The following VPS8 variants were observed in gnomAD, a reference collection of about 807,000 sequenced individuals.
The protein encoded by VPS8 is VPS8 subunit of CORVET complex, also known as vacuolar protein sorting-associated protein 8 homolog.
In VPS8, 129 loss-of-function variants were observed where a neutral mutation model predicts 216.4. That is an observed-to-expected ratio of 0.60 (90% CI 0.52 to 0.69). VPS8 has a LOEUF of 0.69. Ranked by LOEUF, VPS8 falls within the 30% of genes least tolerant of loss-of-function variation. The pLI, the probability that VPS8 is intolerant of heterozygous loss-of-function variation, is 0.00. For synonymous variants in VPS8, 571 were observed against 565.4 expected (o/e 1.01, Z -0.14); for missense variants, 1,531 against 1,683.5 (o/e 0.91, Z 1.59).
intron 7 of VPS8, among the ~76,000 whole-genome samples, chr3:184,841,025 G>A (rs2108597925): frequency 6.6e-6 from 1 of 152,256 alleles, no homozygotes; most frequent in Non-Finnish European, 1.5e-5. Context: ...TTTTTAAAAT[G>A]TAATTGTAAA....
chr3:184,907,926 T>A (rs918254897), intron 25 of VPS8, among the ~76,000 whole-genome samples: 6 of 152,152 alleles, frequency 3.9e-5, no homozygotes, highest in African/African-American at 1.4e-4. Context: ...TTTGAGAATT[T>A]CCCTGGGTAT....
At chr3:184,964,388 G>GT (rs1254031424) in intron 37 of VPS8, 80 bp from the exon 38 acceptor site, 11 of 832,076 alleles carry the variant, frequency 1.3e-5, no homozygotes, top group African/African-American at 1.7e-5. Context: ...TATCATATGA[G>GT]TTTTTTCATC....
At chr3:184,898,031 A>G (rs1313757400) in intron 23 of VPS8, among the ~76,000 whole-genome samples, 1 of 151,986 alleles carries the variant, frequency 6.6e-6, no homozygotes, top group Non-Finnish European at 1.5e-5. Flanking sequence ...GACTTTTTGA[A>G]TACTCCAGAC....
chr3:184,862,760 T>C (rs1393623073), intron 15 of VPS8, 137 bp from the exon 16 acceptor site: 1 of 823,304 alleles, frequency 1.2e-6, no homozygotes, highest in African/African-American at 1.7e-5. Flanking sequence ...GTTCTTGCTT[T>C]GATTGTGTTG....
At chr3:184,965,800 C>A (rs1487710214) in intron 38 of VPS8, among the ~76,000 whole-genome samples, 1 of 152,040 alleles carries the variant, frequency 6.6e-6, no homozygotes. Context: ...TGCAATGGTA[C>A]AGGTATGAGT....
chr3:184,958,812 G>A (rs964945737), intron 37 of VPS8, among the ~76,000 whole-genome samples: 3 of 151,990 alleles, frequency 2.0e-5, no homozygotes, highest in African/African-American at 7.2e-5. Flanking sequence ...ATCTCATAAT[G>A]TTTACTGTAG....
rs141869827 is a variant in VPS8, at chr3:184,871,468, AAAAG to A, written c.1734+665_1734+668del. Among the ~76,000 whole-genome samples, 651 of 152,248 alleles carry A rather than the reference AAAAG, an allele frequency of 4.3e-3. 9 individuals are homozygous for A. The highest frequency in any genetic ancestry group is 0.014 in the African/African-American group (598 of 41,546). On this transcript the variant is annotated intron_variant, in intron 21 of 47. Transcript: ENST00000625842. ...TACAGGGATCAGCAGACTTTTTCTAAAAAGACTCAGATAGCAGAGTTTAGGCTTT... is the reference window on the plus strand; with the variant it reads ...TACAGGGATCAGCAGACTTTTTCTAAACTCAGATAGCAGAGTTTAGGCTTT...
At chr3:185,021,027 G>C (rs948522847) in intron 45 of VPS8, among the ~76,000 whole-genome samples, 1 of 152,042 alleles carries the variant, frequency 6.6e-6, no homozygotes, top group Non-Finnish European at 1.5e-5. Context: ...AGCTGAGATC[G>C]TGCCATTGCA....
chr3:184,914,133 A>G (rs1346879149), intron 26 of VPS8, among the ~76,000 whole-genome samples: 1 of 152,248 alleles, frequency 6.6e-6, no homozygotes, highest in African/African-American at 2.4e-5. Context: ...ACTATTTGTC[A>G]GGAAGGTGGC....
At chr3:184,855,933 C>A in intron 14 of VPS8, 115 bp downstream of exon 14, 1 of 769,404 alleles carries the variant, frequency 1.3e-6, no homozygotes, top group Non-Finnish European at 2.0e-6. Flanking sequence ...GAGAGAGTGA[C>A]CTATTTAATT....
chr3:185,014,347 G>A (rs552951941), intron 45 of VPS8, among the ~76,000 whole-genome samples: 2 of 152,154 alleles, frequency 1.3e-5, no homozygotes, highest in East Asian at 1.9e-4. Flanking sequence ...CATCAGTCTC[G>A]ACATGGCTGC....
chr3:184,989,822 C>T (rs1267105489), intron 42 of VPS8, among the ~76,000 whole-genome samples: 1 of 152,006 alleles, frequency 6.6e-6, no homozygotes, highest in South Asian at 2.1e-4. Flanking sequence ...CCTATAATCC[C>T]AGCACTTTGG....
chr3:184,823,544 A>C (rs1184070442), intron 1 of VPS8, among the ~76,000 whole-genome samples: 1 of 152,216 alleles, frequency 6.6e-6, no homozygotes, highest in Non-Finnish European at 1.5e-5. Context: ...GAGTTTTGCC[A>C]GTTGTTTGGT....
intron 36 of VPS8, among the ~76,000 whole-genome samples, chr3:184,948,235 T>TA (rs397819949): frequency 3.2e-4 from 48 of 151,772 alleles, no homozygotes; most frequent in Admixed American, 2.0e-3. Context: ...TTTTTTTTTT[T>TA]AAATCTGCTT....
chr3:184,971,616 C>A, intron 39 of VPS8, 33 bp from the exon 40 acceptor site: 2 of 1,553,306 alleles, frequency 1.3e-6, no homozygotes, highest in South Asian at 1.2e-5. Context: ...GCAACATATC[C>A]TTAAATGATG....
At chr3:184,956,095 T>TAAAATTAG (rs1487290550) in intron 36 of VPS8, among the ~76,000 whole-genome samples, 1 of 152,226 alleles carries the variant, frequency 6.6e-6, no homozygotes, top group African/African-American at 2.4e-5. Context: ...TACCCACCTC[T>TAAAATTAG]GGTATCACAA....
intron 3 of VPS8, among the ~76,000 whole-genome samples, chr3:184,827,105 TAAAGAC>T (rs1166897953): frequency 6.6e-6 from 1 of 152,226 alleles, no homozygotes; most frequent in African/African-American, 2.4e-5. Flanking sequence ...TTCCAAAAGA[TAAAGAC>T]CCAAAAGTTC....
intron 22 of VPS8, among the ~76,000 whole-genome samples, chr3:184,886,504 TATATACACACACACATACAC>T (rs1024688312): frequency 1.3e-5 from 2 of 150,502 alleles, no homozygotes; most frequent in Non-Finnish European, 2.9e-5. Flanking sequence ...CACACATATA[TATATACACACACACATACAC>T]ATATACACAC....
intron 22 of VPS8, chr3:184,893,387 T>C: frequency 8.8e-7 from 1 of 1,136,788 alleles, no homozygotes; most frequent in Admixed American, 3.7e-5. Context: ...ATTACACATT[T>C]AGGAAAAAGT....
Sources: gnomAD v4.1 joint callset for allele counts (sites outside exome capture counted in the v4.1 genomes callset) on GRCh38, gnomAD v4.1.1 for gene constraint, MANE v1.5 for transcripts, NCBI Gene and HGNC (gene_info 2026-07-23, HGNC 2026-07-21) for gene names.